The following KCNH8 variants were observed in gnomAD, a reference collection of about 807,000 sequenced individuals.
The protein encoded by KCNH8 is potassium voltage-gated channel subfamily H member 8, also known as voltage-gated delayed rectifier potassium channel KCNH8.
A neutral mutation model predicts 103.6 loss-of-function variants in KCNH8; 70 were observed. The observed-to-expected ratio is 0.68, with a 90% confidence interval of 0.56 to 0.82. The LOEUF is 0.82. Among genes scored for constraint, KCNH8 ranks in the 40% least tolerant of loss-of-function variants. The probability of loss-of-function intolerance (pLI) is 0.00; values close to 1 mark genes in which losing one functional copy is unlikely to be tolerated. For synonymous variants in KCNH8, 498 were observed against 489.4 expected, an observed-to-expected ratio of 1.02 and a Z score of -0.23; for missense variants, 1,217 against 1,329.9, an observed-to-expected ratio of 0.92 and a Z score of 1.32.
At chr3:19,249,581 G>A (rs1243810649) in intron 1 of KCNH8, among the ~76,000 whole-genome samples, 1 of 152,176 alleles carries the variant, frequency 6.6e-6, no homozygotes. Flanking sequence ...TTTGTCAAAA[G>A]TTTATTGTAG....
In KCNH8 at chr3:19,293,647, G is replaced by A. The variant is rs537648227; in HGVS notation, c.442+12318G>A. Among the ~76,000 whole-genome samples, 85 of 152,250 alleles carry A rather than the reference G, an allele frequency of 5.6e-4. 1 individual carries two copies. The highest frequency in any genetic ancestry group is 2.1e-3 in the Admixed American group (32 of 15,286). ...AAGCTAATTCATCTTCAGCGATTCC[G>A]TTACATCACCCTGTTCATTGTTTTA... On this transcript the variant is annotated intron_variant, in intron 3 of 15. Coordinates refer to ENST00000328405, the MANE Select transcript of KCNH8 (RefSeq NM_144633.3).
intron 5 of KCNH8, among the ~76,000 whole-genome samples, chr3:19,355,227 GA>G (rs1207854248): frequency 3.3e-5 from 5 of 152,276 alleles, no homozygotes; most frequent in African/African-American, 1.2e-4. Context: ...AAAAAGTCAA[GA>G]AACAACAGGT....
intron 1 of KCNH8, among the ~76,000 whole-genome samples, chr3:19,173,272 C>T (rs887021896): frequency 2.0e-5 from 3 of 152,052 alleles, no homozygotes; most frequent in African/African-American, 7.2e-5. Context: ...AGTGATTTCT[C>T]CCTGAGCACT....
intron 5 of KCNH8, among the ~76,000 whole-genome samples, chr3:19,361,598 G>A (rs574440451): frequency 6.6e-5 from 10 of 151,976 alleles, no homozygotes; most frequent in Non-Finnish European, 1.5e-4. Flanking sequence ...CTCACCAATC[G>A]GCATTACTAT....
chr3:19,413,195 A>G (rs2066809548), intron 7 of KCNH8, among the ~76,000 whole-genome samples: 1 of 132,922 alleles, frequency 7.5e-6, no homozygotes, highest in Non-Finnish European at 1.6e-5. Context: ...AGCCAAAAAG[A>G]AAAAAAAAAA....
At chr3:19,526,376 A>G (rs945325132) in intron 15 of KCNH8, among the ~76,000 whole-genome samples, 1 of 152,026 alleles carries the variant, frequency 6.6e-6, no homozygotes, top group African/African-American at 2.4e-5. Context: ...CAATCATGCC[A>G]ATAGCCAAGA....
At chr3:19,237,832 A>G (rs554695360) in intron 1 of KCNH8, among the ~76,000 whole-genome samples, 1 of 152,330 alleles carries the variant, frequency 6.6e-6, no homozygotes, top group South Asian at 2.1e-4. Context: ...GTTTCAAAGC[A>G]ATTTTTATCC....
chr3:19,483,188 T>C (rs947416865), intron 11 of KCNH8, among the ~76,000 whole-genome samples: 2 of 152,188 alleles, frequency 1.3e-5, no homozygotes, highest in Admixed American at 6.5e-5. Context: ...TCAGGTAATT[T>C]CGCATAAGCT....
chr3:19,339,148 C>A (rs2065624276), intron 3 of KCNH8, among the ~76,000 whole-genome samples: 1 of 152,034 alleles, frequency 6.6e-6, no homozygotes, highest in Non-Finnish European at 1.5e-5. Flanking sequence ...CATTTAGAGT[C>A]AAGACTAACA....
chr3:19,421,473 AT>A (rs1390111407), intron 7 of KCNH8, among the ~76,000 whole-genome samples: 1 of 152,100 alleles, frequency 6.6e-6, no homozygotes, highest in Non-Finnish European at 1.5e-5. Context: ...CATTAAACTA[AT>A]TTAATTTTTT....
At position 19,513,905 on chromosome 3, in the gene KCNH8, G is replaced by A. The variant is rs139710080; in HGVS notation, c.2435+580G>A. 1.1e-4 allele frequency among the ~76,000 whole-genome samples: 17 copies of A among 152,100 alleles called. No individual in the cohort carries two copies. The South Asian group carries it at 1.5e-3, about 13-fold the overall frequency. ...TGAAAGCGTGAAAAATCCTGATTCC[G>A]AAGATGTTCAGGGGTAGGCCATGGT... On this transcript the variant is annotated intron_variant, in intron 13 of 15. Coordinates refer to ENST00000328405, the MANE Select transcript of KCNH8 (RefSeq NM_144633.3).
chr3:19,433,104 A>G (rs2067147312), intron 7 of KCNH8, among the ~76,000 whole-genome samples: 1 of 152,146 alleles, frequency 6.6e-6, no homozygotes, highest in Admixed American at 6.5e-5. Flanking sequence ...GTGAAATGCT[A>G]TACTTTAGTA....
chr3:19,490,233 G>A (rs929719700), intron 11 of KCNH8, among the ~76,000 whole-genome samples: 1 of 152,218 alleles, frequency 6.6e-6, no homozygotes, highest in East Asian at 1.9e-4. Context: ...ACCACGAAAT[G>A]TAGCAGGATG....
intron 1 of KCNH8, among the ~76,000 whole-genome samples, chr3:19,191,403 T>G (rs777361604): frequency 6.6e-6 from 1 of 151,856 alleles, no homozygotes; most frequent in Non-Finnish European, 1.5e-5. Context: ...TTTCGATATA[T>G]CTGATTAGTA....
intron 1 of KCNH8, among the ~76,000 whole-genome samples, chr3:19,221,905 T>C (rs2063879419): frequency 6.6e-6 from 1 of 151,864 alleles, no homozygotes; most frequent in Non-Finnish European, 1.5e-5. Flanking sequence ...TAGAGTGCAA[T>C]GGCACGATGT....
intron 3 of KCNH8, among the ~76,000 whole-genome samples, chr3:19,295,421 AAT>A (rs1272998292): frequency 9.4e-5 from 14 of 149,280 alleles, no homozygotes; most frequent in Admixed American, 6.6e-4. Flanking sequence ...TAAATAAATA[AAT>A]AAGTTCAGGC....
At chr3:19,466,682 A>G (rs1331855928) in intron 11 of KCNH8, among the ~76,000 whole-genome samples, 2 of 62,688 alleles carry the variant, frequency 3.2e-5, no homozygotes, top group Non-Finnish European at 6.2e-5. Flanking sequence ...TTTTTTTTTT[A>G]GATGAAGTCT....
intron 1 of KCNH8, among the ~76,000 whole-genome samples, chr3:19,158,177 A>C (rs779427748): frequency 6.6e-6 from 1 of 151,506 alleles, no homozygotes; most frequent in Non-Finnish European, 1.5e-5. Flanking sequence ...GAGTTTATAG[A>C]CTTAAGAATT....
intron 5 of KCNH8, among the ~76,000 whole-genome samples, chr3:19,363,757 A>G (rs1480876752): frequency 6.6e-6 from 1 of 152,126 alleles, no homozygotes; most frequent in Non-Finnish European, 1.5e-5. Flanking sequence ...GGGTAAATAC[A>G]CAAACATCAG....
Sources: gnomAD v4.1 joint callset for allele counts (sites outside exome capture counted in the v4.1 genomes callset) on GRCh38, gnomAD v4.1.1 for gene constraint, MANE v1.5 for transcripts, NCBI Gene and HGNC (gene_info 2026-07-23, HGNC 2026-07-21) for gene names.